FAF1: variants seen among roughly 807,000 people sequenced by gnomAD.
The protein encoded by FAF1 is Fas associated factor 1.
Under a neutral mutation model 92.5 loss-of-function variants are expected in FAF1, and 25 were observed. The observed-to-expected ratio is 0.27, with a 90% CI of 0.20 to 0.38. The LOEUF (loss-of-function observed/expected upper bound fraction) is 0.38, where lower values mean the gene tolerates loss of function less well. FAF1 is among the 10% of genes least tolerant of loss of function. The pLI, the probability that FAF1 is intolerant of heterozygous loss-of-function variation, is 1.00. For missense variants in FAF1, 636 were observed against 793.3 expected (o/e 0.80, Z 2.38); for synonymous variants, 234 against 273.2 (o/e 0.86, Z 1.42).
At chr1:50,594,626 G>A (rs1379418056) in intron 9 of FAF1, among the ~76,000 whole-genome samples, 129 of 141,958 alleles carry the variant, frequency 9.1e-4, no homozygotes, top group Admixed American at 8.2e-4. Flanking sequence ...TTGGGAGGCC[G>A]GGGGGGGTGG....
chr1:50,690,729 A>G (rs972383715), intron 7 of FAF1, among the ~76,000 whole-genome samples: 1 of 152,216 alleles, frequency 6.6e-6, no homozygotes, highest in African/African-American at 2.4e-5. Context: ...AAAAACAACA[A>G]AAATTCAAAC....
chr1:50,856,183 C>A (rs1644389453), intron 2 of FAF1, among the ~76,000 whole-genome samples: 2 of 151,764 alleles, frequency 1.3e-5, no homozygotes, highest in African/African-American at 4.8e-5. Context: ...TCCCAGCCCA[C>A]CATCACCCTT....
rs530672935 is a variant in FAF1, at chr1:50,637,020, T to C, written c.744+18422A>G. Among the ~76,000 whole-genome samples the C allele has an allele frequency of 7.2e-5, 11 of 152,280 alleles. No homozygotes were observed. The South Asian group carries it at 2.3e-3, about 32-fold the overall frequency. ...CAGCACATACATATGGATCTATTCCTGAACACTCTATTTTACCTATTGATT... is the reference window on the plus strand; with the variant it reads ...CAGCACATACATATGGATCTATTCCCGAACACTCTATTTTACCTATTGATT... On this transcript the variant is annotated intron_variant, in intron 8 of 18. Transcript: ENST00000396153.
intron 2 of FAF1, among the ~76,000 whole-genome samples, chr1:50,841,681 A>G (rs1260791854): frequency 6.6e-6 from 1 of 152,040 alleles, no homozygotes; most frequent in African/African-American, 2.4e-5. Context: ...GAAAAACAAC[A>G]TTTTGAAGTA....
At chr1:50,877,056 C>G (rs538880983) in intron 1 of FAF1, among the ~76,000 whole-genome samples, 1 of 152,196 alleles carries the variant, frequency 6.6e-6, no homozygotes, top group African/African-American at 2.4e-5. Context: ...AGCTACTCCA[C>G]CCTCAAGGAG....
At chr1:50,615,623 A>G (rs1652879667) in intron 8 of FAF1, among the ~76,000 whole-genome samples, 1 of 152,212 alleles carries the variant, frequency 6.6e-6, no homozygotes, top group Admixed American at 6.5e-5. Flanking sequence ...TCTGATGATT[A>G]GCATTTTTTC....
intron 15 of FAF1, among the ~76,000 whole-genome samples, chr1:50,501,926 T>C (rs1572789611): frequency 1.3e-5 from 2 of 152,226 alleles, no homozygotes; most frequent in African/African-American, 4.8e-5. Context: ...ATAGCAGCTT[T>C]ATTTGTAATA....
chr1:50,872,079 A>G (rs1188179827), intron 1 of FAF1, among the ~76,000 whole-genome samples: 1 of 151,984 alleles, frequency 6.6e-6, no homozygotes, highest in Non-Finnish European at 1.5e-5. Context: ...AAAAAAAAAA[A>G]AAAGAAAAAG....
At chr1:50,537,211 T>C (rs1311541248) in intron 14 of FAF1, among the ~76,000 whole-genome samples, 1 of 152,132 alleles carries the variant, frequency 6.6e-6, no homozygotes, top group Non-Finnish European at 1.5e-5. Flanking sequence ...GAATCATCAG[T>C]GGGAAAATAC....
intron 15 of FAF1, among the ~76,000 whole-genome samples, chr1:50,509,573 C>T (rs994185425): frequency 6.6e-6 from 1 of 152,124 alleles, no homozygotes; most frequent in African/African-American, 2.4e-5. Flanking sequence ...GACTGTACCA[C>T]TGCATTCTAG....
chr1:50,556,060 C>G (rs1318464286), intron 13 of FAF1, among the ~76,000 whole-genome samples: 1 of 151,058 alleles, frequency 6.6e-6, no homozygotes, highest in South Asian at 2.1e-4. Context: ...TTCAATGAAA[C>G]CCCGTCTCCA....
intron 18 of FAF1, among the ~76,000 whole-genome samples, chr1:50,474,768 T>C (rs1646618173): frequency 6.6e-6 from 1 of 152,224 alleles, no homozygotes; most frequent in African/African-American, 2.4e-5. Flanking sequence ...TTTCATAATC[T>C]ATAAATCTGA....
Position 50,846,604 on chromosome 1 carries a change from G to A in FAF1, c.114+11325C>T, listed in dbSNP as rs181967494. 2.1e-5 allele frequency: 11 copies of A among 531,240 alleles called. No individual in the cohort carries two copies. In the East Asian group the frequency reaches 3.5e-4, roughly 17 times the overall value. The allele number at this position is 531,240 out of a possible 1,614,324, so 32.9% of individuals were successfully genotyped here. ...ACTTGGAAAACCTGGGTGAGTGAGC[G>A]CTTCCTTGTAAGATCTCCACCCACA... On this transcript the variant is annotated intron_variant, in intron 2 of 18. Coordinates refer to ENST00000396153, the MANE Select transcript of FAF1 (RefSeq NM_007051.3).
intron 2 of FAF1, among the ~76,000 whole-genome samples, chr1:50,822,755 T>C (rs994260499): frequency 2.7e-5 from 4 of 146,550 alleles, no homozygotes; most frequent in African/African-American, 1.1e-4. Context: ...TTTTTCTTTC[T>C]TTCTTTCTTT....
chr1:50,952,389 C>T (rs1371569278), intron 1 of FAF1, among the ~76,000 whole-genome samples: 1 of 152,250 alleles, frequency 6.6e-6, no homozygotes, highest in Non-Finnish European at 1.5e-5. Flanking sequence ...AGATTGCAGA[C>T]GGAGTCTCGC....
chr1:50,692,444 A>G (rs778693824), intron 7 of FAF1, among the ~76,000 whole-genome samples: 9 of 151,994 alleles, frequency 5.9e-5, no homozygotes, highest in Non-Finnish European at 1.0e-4. Context: ...CGCTTTCCTC[A>G]TTCCTACCCG....
At chr1:50,952,587 A>C (rs1272860584) in intron 1 of FAF1, among the ~76,000 whole-genome samples, 1 of 151,572 alleles carries the variant, frequency 6.6e-6, no homozygotes, top group African/African-American at 2.4e-5. Context: ...GGATGTGAGG[A>C]GCCCCTCTGC....
At chr1:50,922,818 C>CAAAAAA (rs754253837) in intron 1 of FAF1, among the ~76,000 whole-genome samples, 3 of 56,854 alleles carry the variant, frequency 5.3e-5, no homozygotes, top group Middle Eastern at 0.012. Context: ...GAATCCACCA[C>CAAAAAA]AAAAAAAAAA....
At chr1:50,915,437 C>A (rs2124726594) in intron 1 of FAF1, among the ~76,000 whole-genome samples, 1 of 151,264 alleles carries the variant, frequency 6.6e-6, no homozygotes, top group East Asian at 1.9e-4. Flanking sequence ...TAGAAGATAT[C>A]TATATCCCTG....
Sources: gnomAD v4.1 joint callset for allele counts (sites outside exome capture counted in the v4.1 genomes callset) on GRCh38, gnomAD v4.1.1 for gene constraint, MANE v1.5 for transcripts, NCBI Gene and HGNC (gene_info 2026-07-23, HGNC 2026-07-21) for gene names.